EXOC4: variants seen among roughly 807,000 people sequenced by gnomAD.
EXOC4 encodes exocyst complex component 4.
In EXOC4, 71 loss-of-function variants were observed where a neutral mutation model predicts 107.2. The ratio of observed to expected loss-of-function variants is 0.66; its 90% CI spans 0.55 to 0.81. EXOC4 has a LOEUF of 0.81. Ranked by LOEUF, EXOC4 falls within the 30% of genes least tolerant of loss-of-function variation. EXOC4 has a pLI of 0.00. For synonymous variants in EXOC4, 456 were observed against 441.2 expected (o/e 1.03, Z -0.42); for missense variants, 1,108 against 1,189.6 (o/e 0.93, Z 1.01).
intron 7 of EXOC4, among the ~76,000 whole-genome samples, chr7:133,468,894 G>A (rs1317087698): frequency 1.3e-5 from 2 of 151,942 alleles, no homozygotes; most frequent in Non-Finnish European, 2.9e-5. Context: ...ACAAACTCTT[G>A]GGCACTTGCA....
At chr7:133,946,066 A>G (rs182225543) in intron 14 of EXOC4, among the ~76,000 whole-genome samples, 1 of 152,260 alleles carries the variant, frequency 6.6e-6, no homozygotes, top group East Asian at 1.9e-4. Flanking sequence ...TACAAGTTTC[A>G]AATATTTGTT....
At chr7:133,517,706 C>CT (rs1799904644) in intron 9 of EXOC4, among the ~76,000 whole-genome samples, 1 of 151,860 alleles carries the variant, frequency 6.6e-6, no homozygotes, top group Non-Finnish European at 1.5e-5. Context: ...AATTACCCCC[C>CT]ACTGGATTCC....
chr7:133,299,968 C>A (rs997338325), intron 3 of EXOC4, among the ~76,000 whole-genome samples: 1 of 152,084 alleles, frequency 6.6e-6, no homozygotes, highest in Admixed American at 6.5e-5. Context: ...CTCATTTGAG[C>A]TGATGAAGGT....
intron 17 of EXOC4, among the ~76,000 whole-genome samples, chr7:134,025,200 G>A (rs1284683493): frequency 6.6e-6 from 1 of 152,140 alleles, no homozygotes; most frequent in Non-Finnish European, 1.5e-5. Context: ...AATTCTGGCA[G>A]TCCACAGTGA....
intron 4 of EXOC4, among the ~76,000 whole-genome samples, chr7:133,309,605 T>C (rs1332934020): frequency 6.6e-6 from 1 of 152,138 alleles, no homozygotes. Context: ...CTGACAAATA[T>C]GTTTTTACAA....
intron 3 of EXOC4, among the ~76,000 whole-genome samples, chr7:133,292,394 A>G (rs1261885918): frequency 6.6e-6 from 1 of 152,210 alleles, no homozygotes; most frequent in Non-Finnish European, 1.5e-5. Flanking sequence ...TTAGCAATAT[A>G]TATAGTCCTT....
chr7:133,890,348 G>A (rs1310355646), intron 11 of EXOC4, among the ~76,000 whole-genome samples: 2 of 68,020 alleles, frequency 2.9e-5, no homozygotes, highest in Non-Finnish European at 4.9e-5. Flanking sequence ...AGTAGGTTGC[G>A]AAAATTTTCT....
At chr7:133,445,942 G>C (rs1798210354) in intron 7 of EXOC4, among the ~76,000 whole-genome samples, 1 of 150,524 alleles carries the variant, frequency 6.6e-6, no homozygotes, top group Admixed American at 6.6e-5. Context: ...ACTGAGCCCA[G>C]AAGGTCGAGA....
chr7:133,324,380 A>G (rs951911480), intron 5 of EXOC4, among the ~76,000 whole-genome samples: 1 of 152,154 alleles, frequency 6.6e-6, no homozygotes, highest in African/African-American at 2.4e-5. Context: ...ACACTGCTTT[A>G]AATGTGTCCC....
intron 9 of EXOC4, among the ~76,000 whole-genome samples, chr7:133,590,123 T>C (rs1801506373): frequency 6.6e-6 from 1 of 151,944 alleles, no homozygotes; most frequent in South Asian, 2.1e-4. Flanking sequence ...GTCTCGAATT[T>C]CCGATGTCTC....
chr7:133,773,337 A>G (rs1367716632), intron 10 of EXOC4, among the ~76,000 whole-genome samples: 2 of 151,958 alleles, frequency 1.3e-5, no homozygotes, highest in African/African-American at 4.8e-5. Flanking sequence ...TACCTGGAGA[A>G]TGTTTTAAAA....
intron 3 of EXOC4, among the ~76,000 whole-genome samples, chr7:133,301,603 A>AG (rs1794642321): frequency 6.6e-6 from 1 of 152,226 alleles, no homozygotes; most frequent in South Asian, 2.1e-4. Context: ...TGCTTTCCTT[A>AG]GGGAACAGTG....
intron 7 of EXOC4, among the ~76,000 whole-genome samples, chr7:133,382,371 A>T (rs1796637190): frequency 6.6e-6 from 1 of 152,176 alleles, no homozygotes; most frequent in South Asian, 2.1e-4. Context: ...AATTATTGGG[A>T]CCAACTATGT....
At chr7:133,701,997 C>CTTTTTTTTTTTTTTTTT (rs71162021) in intron 10 of EXOC4, among the ~76,000 whole-genome samples, 39 of 66,536 alleles carry the variant, frequency 5.9e-4, no homozygotes, top group Non-Finnish European at 6.6e-4. Context: ...TTCTTTCTTT[C>CTTTTTTTTTTTTTTTTT]TTTTTTTTTT....
chr7:133,723,080 A>G (rs962416435), intron 10 of EXOC4, among the ~76,000 whole-genome samples: 1 of 152,228 alleles, frequency 6.6e-6, no homozygotes, highest in African/African-American at 2.4e-5. Flanking sequence ...TTTGGAATTC[A>G]TATGTTACAA....
intron 10 of EXOC4, among the ~76,000 whole-genome samples, chr7:133,634,038 A>G (rs968630866): frequency 1.3e-4 from 20 of 152,198 alleles, no homozygotes; most frequent in African/African-American, 4.6e-4. Flanking sequence ...GCGGGTTTCT[A>G]TATTGACAAT....
chr7:133,470,540 A>G (rs956628397), intron 7 of EXOC4, among the ~76,000 whole-genome samples: 2 of 152,178 alleles, frequency 1.3e-5, no homozygotes, highest in Admixed American at 6.5e-5. Context: ...GTGAATGATG[A>G]TATCACTGGA....
intron 7 of EXOC4, among the ~76,000 whole-genome samples, chr7:133,446,715 A>T (rs1199406951): frequency 1.3e-5 from 2 of 152,236 alleles, no homozygotes; most frequent in African/African-American, 4.8e-5. Context: ...AAAACTGATA[A>T]TCCTCATAGG....
chr7:133,460,190 C>T (rs539855596), intron 7 of EXOC4, among the ~76,000 whole-genome samples: 2 of 152,162 alleles, frequency 1.3e-5, no homozygotes, highest in Non-Finnish European at 2.9e-5. Flanking sequence ...AAGGAGCACA[C>T]GACCTAGATC....
Sources: allele counts gnomAD v4.1 joint callset (sites outside exome capture counted in the v4.1 genomes callset), GRCh38; gene constraint gnomAD v4.1.1; transcripts MANE v1.5; gene names NCBI Gene and HGNC (gene_info 2026-07-23, HGNC 2026-07-21).